The following PKNOX2 variants were observed in gnomAD, a reference collection of about 807,000 sequenced individuals.
PKNOX2 encodes the protein PBX/knotted 1 homeobox 2.
Under a neutral mutation model 53.1 loss-of-function variants are expected in PKNOX2, and 14 were observed. That is an observed-to-expected ratio of 0.26 (90% CI 0.17 to 0.41). The LOEUF (loss-of-function observed/expected upper bound fraction) is 0.41, where lower values mean the gene tolerates loss of function less well. Ranked by LOEUF, PKNOX2 falls within the 10% of genes least tolerant of loss-of-function variation. The pLI is 1.00. For synonymous variants in PKNOX2, 257 were observed against 242.8 expected, an observed-to-expected ratio of 1.06 and a Z score of -0.54; for missense variants, 496 against 602.8, an observed-to-expected ratio of 0.82 and a Z score of 1.85.
At chr11:125,205,732 T>A (rs1273459178) in intron 1 of PKNOX2, among the ~76,000 whole-genome samples, 4 of 152,208 alleles carry the variant, frequency 2.6e-5, no homozygotes, top group Admixed American at 6.5e-5. Context: ...CAGACTGTGT[T>A]AAATTAAATC....
chr11:125,355,595 G>T (rs1024526530), intron 4 of PKNOX2, among the ~76,000 whole-genome samples: 4 of 152,176 alleles, frequency 2.6e-5, no homozygotes, highest in Non-Finnish European at 4.4e-5. Flanking sequence ...TCAGTGCGTT[G>T]TGTTGATTCC....
At chr11:125,197,670 C>G (rs1937894311) in intron 1 of PKNOX2, among the ~76,000 whole-genome samples, 1 of 152,108 alleles carries the variant, frequency 6.6e-6, no homozygotes, top group Non-Finnish European at 1.5e-5. Context: ...ACAACAACAA[C>G]AACAAAAAAA....
intron 2 of PKNOX2, chr11:125,239,492 G>C (rs1025492446): frequency 6.6e-6 from 1 of 152,170 alleles, no homozygotes; most frequent in African/African-American, 2.4e-5. Flanking sequence ...TGCAAGGAGA[G>C]AGAAAAGGTC....
chr11:125,428,987 C>T (rs1454203647), intron 10 of PKNOX2, 25 bp from the exon 11 acceptor site: 10 of 1,598,726 alleles, frequency 6.3e-6, no homozygotes, highest in African/African-American at 1.3e-5. Context: ...GCCCAGCCCT[C>T]ACTAGTCTCC....
chr11:125,309,940 A>G (rs1269144322), intron 2 of PKNOX2, among the ~76,000 whole-genome samples: 5 of 152,224 alleles, frequency 3.3e-5, no homozygotes, highest in Non-Finnish European at 7.3e-5. Context: ...ACTGACCAAC[A>G]TTGATTGGAG....
rs1565462579 is a variant in PKNOX2, at chr11:125,178,707, A to AG, written c.-201+13931_-201+13932insG. On this transcript the variant is annotated intron_variant, in intron 1 of 12. Transcript: ENST00000298282. ...GAGAGAGAGAGAGAGAGAAAGAAAG[A>AG]AAGAAAGAAAGAGAAAGGAAGGAAG... Among the ~76,000 whole-genome samples, 157 of 139,828 alleles carry AG rather than the reference A, an allele frequency of 1.1e-3. 8 individuals are homozygous for AG. Among genetic ancestry groups the AG allele is most frequent in the African/African-American group, 4.1e-3 (146 of 35,804 alleles). 91.7% of individuals were successfully genotyped at this position (139,828 alleles called of 152,430 possible).
At chr11:125,409,692 G>A (rs1393557367) in intron 7 of PKNOX2, among the ~76,000 whole-genome samples, 3 of 152,222 alleles carry the variant, frequency 2.0e-5, no homozygotes, top group African/African-American at 2.4e-5. Context: ...GGAGACAAGC[G>A]TCGCTGAAGG....
At chr11:125,235,364 C>T (rs150221184) in intron 2 of PKNOX2, among the ~76,000 whole-genome samples, 9 of 152,308 alleles carry the variant, frequency 5.9e-5, no homozygotes, top group Admixed American at 5.2e-4. Flanking sequence ...TGATGTGTTA[C>T]ATGTGTCATG....
At chr11:125,221,447 A>T (rs952164923) in intron 1 of PKNOX2, among the ~76,000 whole-genome samples, 1 of 152,152 alleles carries the variant, frequency 6.6e-6, no homozygotes, top group Non-Finnish European at 1.5e-5. Context: ...TAAGCAGCCC[A>T]CCCTGCTCCA....
chr11:125,327,822 T>C (rs1949915482), intron 2 of PKNOX2, among the ~76,000 whole-genome samples: 1 of 152,236 alleles, frequency 6.6e-6, no homozygotes. Context: ...AGTTGTCAGT[T>C]CTGGGAAGGA....
rs1273963682 is a variant in PKNOX2, at chr11:125,370,234, C to T, written c.227+2249C>T. Among the ~76,000 whole-genome samples, 1 of 152,132 alleles carries T rather than the reference C, an allele frequency of 6.6e-6. No individual in the cohort carries two copies. The highest frequency in any genetic ancestry group is 1.5e-5 in the Non-Finnish European group (1 of 68,032). ...CTTGATAAGAATCAATGAGACGGCC[C>T]GTGGAGGCACCTGGCCCTGCGTCCA... On this transcript the variant is annotated intron_variant, in intron 5 of 12. Coordinates refer to ENST00000298282, the MANE Select transcript of PKNOX2 (RefSeq NM_001382323.2). The surrounding 1 kb of genome is among the most constrained non-coding windows in gnomAD (Gnocchi z 4.1).
chr11:125,396,698 C>G (rs574688084), intron 6 of PKNOX2, among the ~76,000 whole-genome samples: 2 of 151,796 alleles, frequency 1.3e-5, no homozygotes, highest in Non-Finnish European at 2.9e-5. Flanking sequence ...AAGTATGGCA[C>G]ACACATGAAA....
chr11:125,193,525 TTCTC>T (rs1369128041), intron 1 of PKNOX2, among the ~76,000 whole-genome samples: 2 of 152,212 alleles, frequency 1.3e-5, no homozygotes, highest in Non-Finnish European at 1.5e-5. Flanking sequence ...ATGTGCCTCT[TTCTC>T]TCTGTGTAAG....
At chr11:125,296,878 C>T (rs1734589752) in intron 2 of PKNOX2, among the ~76,000 whole-genome samples, 1 of 152,162 alleles carries the variant, frequency 6.6e-6, no homozygotes, top group African/African-American at 2.4e-5. Context: ...ATGTGATCCA[C>T]CCACCTCGGC....
chr11:125,278,986 G>A (rs1472797054), intron 2 of PKNOX2, among the ~76,000 whole-genome samples: 1 of 152,186 alleles, frequency 6.6e-6, no homozygotes, highest in African/African-American at 2.4e-5. Context: ...GGCTGAGCCG[G>A]GAGACCACTA....
chr11:125,176,687 TGG>T (rs774739576), intron 1 of PKNOX2, among the ~76,000 whole-genome samples: 1 of 152,214 alleles, frequency 6.6e-6, no homozygotes, highest in African/African-American at 2.4e-5. Flanking sequence ...GTCCCTCCTG[TGG>T]GGCCCTTTCT....
At chr11:125,425,650 T>C (rs935104306) in intron 10 of PKNOX2, among the ~76,000 whole-genome samples, 15 of 151,964 alleles carry the variant, frequency 9.9e-5, no homozygotes, top group African/African-American at 3.6e-4. Context: ...GTTTGCGTGA[T>C]CTCATTTGAT....
intron 2 of PKNOX2, chr11:125,258,875 C>T (rs950181454): frequency 2.0e-5 from 8 of 392,948 alleles, no homozygotes; most frequent in African/African-American, 4.2e-5. Context: ...TCTCTTGCCT[C>T]GGGGCCAGAG....
chr11:125,349,495 G>T (rs1465178973), intron 3 of PKNOX2, among the ~76,000 whole-genome samples: 4 of 152,206 alleles, frequency 2.6e-5, no homozygotes, highest in African/African-American at 9.7e-5. Flanking sequence ...AGGCCAGGCG[G>T]GGGCGAGTGA....
Sources: gnomAD v4.1 joint callset for allele counts (sites outside exome capture counted in the v4.1 genomes callset) on GRCh38, gnomAD v4.1.1 for gene constraint, Gnocchi (gnomAD v3.1) non-coding constraint, MANE v1.5 for transcripts, NCBI Gene and HGNC (gene_info 2026-07-23, HGNC 2026-07-21) for gene names.